G6PC2: variants seen among roughly 807,000 people sequenced by gnomAD.
G6PC2 encodes glucose-6-phosphatase 2.
G6PC2 carries 41 observed loss-of-function variants against 35.4 expected under a neutral mutation model. The observed-to-expected ratio is 1.16, with a 90% CI of 0.90 to 1.50. G6PC2 has a LOEUF of 1.50. G6PC2 is among the 40% of genes most tolerant of loss of function. G6PC2 has a pLI of 0.00. For missense variants in G6PC2, 441 were observed against 426.5 expected, an observed-to-expected ratio of 1.03 and a Z score of -0.30; for synonymous variants, 165 against 153.2, an observed-to-expected ratio of 1.08 and a Z score of -0.57.
chr2:168,907,635 G>A lies in G6PC2; in HGVS notation c.624G>A (p.Leu208=), dbSNP rs1418821680. The A allele has an allele frequency of 1.9e-6, 3 of 1,613,752 alleles. No individual in the cohort carries two copies. The highest frequency in any genetic ancestry group is 1.6e-4 in the Middle Eastern group (1 of 6,084). The change falls in exon 5 of 5, where the codon CTG becomes CTA. Residue 208 remains leucine (L), a synonymous_variant. Transcript: ENST00000375363. ...GIQTASLGTY[L]KTNLFLFLFA... ...AAACGGCCAGTCTGGGCACATACCT[G>A]AAGACCAACCTCTTTCTCTTCCTGT...
rs1451859614 is a variant in G6PC2, at chr2:168,907,783, G to A, written c.772G>A (p.Gly258Arg). Residue 258 changes from glycine (G) to arginine (R), a missense_variant, in exon 5 of 5, where the codon GGA becomes AGA. Physicochemically the swap from Gly to Arg is moderately radical, Grantham distance 125 (BLOSUM62 -2). Transcript: ENST00000375363. ...WIHIDTTPFAGLVRNLGVLFG... is the reference protein window; with the variant it reads ...WIHIDTTPFARLVRNLGVLFG... ...CCACATTGACACCACGCCTTTTGCT[G>A]GACTCGTGAGAAACCTTGGGGTCCT... The A allele has an allele frequency of 3.1e-6, 5 of 1,613,966 alleles. No individual in the cohort carries two copies. The highest frequency in any genetic ancestry group is 1.3e-5 in the African/African-American group (1 of 74,902).
chr2:168,902,354 T>G, intron 1 of G6PC2, 91 bp from the exon 2 acceptor site: 1 of 721,918 alleles, frequency 1.4e-6, no homozygotes, highest in Admixed American at 2.0e-5. Context: ...TGCGCTTGAG[T>G]CATTTTTTAT....
intron 2 of G6PC2, 21 bp downstream of exon 2, chr2:168,902,575 C>G (rs2232319): frequency 1.2e-4 from 117 of 938,236 alleles, no homozygotes; most frequent in Non-Finnish European, 1.7e-4. Flanking sequence ...ACAGCAGGCT[C>G]CAGTTACTGA....
chr2:168,906,104 C>G (rs1690704430), intron 3 of G6PC2, among the ~76,000 whole-genome samples: 1 of 133,010 alleles, frequency 7.5e-6, no homozygotes, highest in Non-Finnish European at 1.6e-5. Context: ...AAAACAAAAC[C>G]CAAAACAAAA....
In G6PC2 at chr2:168,908,368, A is replaced by G; in HGVS notation, c.*289A>G. ...ACAGAGCCTGCATCCCCAGCTGGAG[A>G]CAACTGACCAGAGCTGCATACTAAC... On this transcript the variant is annotated 3_prime_UTR_variant, in exon 5 of 5. Coordinates refer to ENST00000375363, the MANE Select transcript of G6PC2 (RefSeq NM_021176.3). 2.1e-6 allele frequency: 1 copy of G among 487,666 alleles called. No individual in the cohort carries two copies. The highest frequency in any genetic ancestry group is 3.7e-6 in the Non-Finnish European group (1 of 269,296). The allele number at this position is 487,666 out of a possible 1,614,324, so 30.2% of individuals were successfully genotyped here.
chr2:168,901,673 A>G, intron 1 of G6PC2, 124 bp downstream of exon 1: 1 of 668,954 alleles, frequency 1.5e-6, no homozygotes, highest in Non-Finnish European at 2.7e-6. Flanking sequence ...ATACCAGGTA[A>G]CTTGAAACAC....
rs1381836513 is a variant in G6PC2, at chr2:168,908,997, G to A, written c.*918G>A. On this transcript the variant is annotated 3_prime_UTR_variant, in exon 5 of 5. Transcript: ENST00000375363. ...GCTGGGATTGCAGGCTTGAGCCATT[G>A]TATTAATAGTTGGCCTACACTGTCT... The A allele has an allele frequency of 6.6e-6, 1 of 152,134 alleles. No individual in the cohort carries two copies. Among genetic ancestry groups the A allele is most frequent in the Non-Finnish European group, 1.5e-5 (1 of 68,014 alleles). The allele number at this position is 152,134 out of a possible 1,614,324, so 9.4% of individuals were successfully genotyped here.
intron 3 of G6PC2, among the ~76,000 whole-genome samples, chr2:168,906,461 A>G (rs1268639638): frequency 6.6e-6 from 1 of 152,214 alleles, no homozygotes; most frequent in Admixed American, 6.5e-5. Context: ...TAATGCATTG[A>G]GAAATGTAGA....
chr2:168,901,760 G>C lies in G6PC2; in HGVS notation c.218+211G>C, dbSNP rs1349262439. 2.1e-5 allele frequency among the ~76,000 whole-genome samples: 3 copies of C among 143,574 alleles called. No individual in the cohort carries two copies. In the Admixed American group the frequency reaches 2.1e-4, roughly 10 times the overall value. 94.2% of individuals were successfully genotyped at this position (143,574 alleles called of 152,430 possible). On this transcript the variant is annotated intron_variant, in intron 1 of 4. Transcript: ENST00000375363. ...TTGTTTTTTTTTTTTTTTTGAGACA[G>C]AGTTTTGCCCTTGTTGCCCAGGATG...
At chr2:168,903,123 TTCTG>T (rs1317479837) in intron 2 of G6PC2, 1 of 153,618 alleles carries the variant, frequency 6.5e-6, no homozygotes, top group African/African-American at 2.4e-5. Context: ...CTAGGTAAGA[TTCTG>T]TATGAGTATA....
chr2:168,908,091 G>C lies in G6PC2; in HGVS notation c.*12G>C, dbSNP rs1211680035. On this transcript the variant is annotated 3_prime_UTR_variant, in exon 5 of 5. Transcript: ENST00000375363. ...AGAAGAGTCAGTAGAGTGGTGCCTA[G>C]AGTTAGTGCTCTGTGTCACAGATCA... 6.2e-6 allele frequency: 10 copies of C among 1,607,162 alleles called. No homozygotes were observed. Among genetic ancestry groups the C allele is most frequent in the Non-Finnish European group, 8.5e-6 (10 of 1,174,606 alleles).
rs1056869349 is a variant in G6PC2 at position 168,908,760 on chromosome 2, G to A, written c.*681G>A. The A allele has an allele frequency of 1.3e-5, 2 of 153,644 alleles. No individual in the cohort carries two copies. Among genetic ancestry groups the A allele is most frequent in the African/African-American group, 4.8e-5 (2 of 41,432 alleles). 9.5% of individuals were successfully genotyped at this position (153,644 alleles called of 1,614,324 possible). A position where few individuals can be genotyped will look rare whatever the true frequency, so the allele number is the denominator to read the frequency against. ...CCAGGCTGGAGTGCAGTGGTGGATA[G>A]CGGCTCACTGCAGCCTCAAACTCCT... On this transcript the variant is annotated 3_prime_UTR_variant, in exon 5 of 5. Coordinates refer to ENST00000375363, the MANE Select transcript of G6PC2 (RefSeq NM_021176.3).
intron 3 of G6PC2, among the ~76,000 whole-genome samples, chr2:168,905,559 G>C (rs1204254736): frequency 1.3e-5 from 2 of 152,050 alleles, no homozygotes; most frequent in Non-Finnish European, 2.9e-5. Flanking sequence ...ATAAAAAGGT[G>C]CTATAATGTA....
rs942994717 is a variant in G6PC2, at chr2:168,908,373, T to G, written c.*294T>G. ...GCCTGCATCCCCAGCTGGAGACAAC[T>G]GACCAGAGCTGCATACTAACAGTCC... On this transcript the variant is annotated 3_prime_UTR_variant, in exon 5 of 5. Coordinates refer to ENST00000375363, the MANE Select transcript of G6PC2 (RefSeq NM_021176.3). 7 of 475,380 alleles carry G rather than the reference T, an allele frequency of 1.5e-5. No homozygotes were observed. Among genetic ancestry groups the G allele is most frequent in the Non-Finnish European group, 1.1e-5 (3 of 261,770 alleles). The allele number at this position is 475,380 out of a possible 1,614,324, so 29.4% of individuals were successfully genotyped here.
chr2:168,905,818 T>C (rs551961211), intron 3 of G6PC2, among the ~76,000 whole-genome samples: 2 of 152,294 alleles, frequency 1.3e-5, no homozygotes, highest in South Asian at 4.1e-4. Context: ...TTCTTCCACA[T>C]TGGTATCCCA....
intron 3 of G6PC2, among the ~76,000 whole-genome samples, chr2:168,905,824 T>C (rs1690696940): frequency 6.6e-6 from 1 of 152,120 alleles, no homozygotes; most frequent in African/African-American, 2.4e-5. Context: ...CACATTGGTA[T>C]CCCACTTACT....
Position 168,907,681 on chromosome 2 carries a change from C to A in G6PC2, c.670C>A (p.Leu224Ile). 1 of 1,614,064 alleles carries A rather than the reference C, an allele frequency of 6.2e-7. No individual in the cohort carries two copies. Among genetic ancestry groups the A allele is most frequent in the Non-Finnish European group, 8.5e-7 (1 of 1,179,982 alleles). The change falls in exon 5 of 5, where the codon CTT becomes ATT. Residue 224 changes from leucine (L) to isoleucine (I), a missense_variant. Physicochemically the swap from Leu to Ile is conservative, Grantham distance 5 (BLOSUM62 2). Transcript: ENST00000375363. Reference protein sequence around the residue: ...LFLFAVGFYLLLRVLNIDLLW... With the variant: ...LFLFAVGFYLILRVLNIDLLW... ...CCTGTTTGCAGTTGGCTTTTACCTG[C>A]TTCTTAGGGTGCTCAACATTGACCT...
rs1332026749 is a variant in G6PC2, at chr2:168,908,369, C to A, written c.*290C>A. 2.1e-6 allele frequency: 1 copy of A among 487,146 alleles called. No homozygotes were observed. Among genetic ancestry groups the A allele is most frequent in the Non-Finnish European group, 3.7e-6 (1 of 268,994 alleles). The allele number at this position is 487,146 out of a possible 1,614,324, so 30.2% of individuals were successfully genotyped here. ...CAGAGCCTGCATCCCCAGCTGGAGACAACTGACCAGAGCTGCATACTAACA... is the reference window on the plus strand; with the variant it reads ...CAGAGCCTGCATCCCCAGCTGGAGAAAACTGACCAGAGCTGCATACTAACA... On this transcript the variant is annotated 3_prime_UTR_variant, in exon 5 of 5. Coordinates refer to ENST00000375363, the MANE Select transcript of G6PC2 (RefSeq NM_021176.3).
Position 168,909,886 on chromosome 2 carries a change from T to G in G6PC2, c.*1807T>G, listed in dbSNP as rs1407071178. 1 of 152,232 alleles carries G rather than the reference T, an allele frequency of 6.6e-6. No homozygotes were observed. The highest frequency in any genetic ancestry group is 1.5e-5 in the Non-Finnish European group (1 of 68,044). 9.4% of individuals were successfully genotyped at this position (152,232 alleles called of 1,614,324 possible). A position where few individuals can be genotyped will look rare whatever the true frequency, so the allele number is the denominator to read the frequency against. ...AAAAAATCAAAGTATTAATTACTCC[T>G]TTCCAAGTATATGTATAGAGCATGT... On this transcript the variant is annotated 3_prime_UTR_variant, in exon 5 of 5. Transcript: ENST00000375363.
Sources: gnomAD v4.1 joint callset for allele counts (sites outside exome capture counted in the v4.1 genomes callset) on GRCh38, gnomAD v4.1.1 for gene constraint, MANE v1.5 for transcripts, NCBI Gene and HGNC (gene_info 2026-07-23, HGNC 2026-07-21) for gene names.